ST6GAL1: variants seen among roughly 807,000 people sequenced by gnomAD.
The protein encoded by ST6GAL1 is beta-galactoside alpha-2,6-sialyltransferase 1.
A neutral mutation model predicts 38.0 loss-of-function variants in ST6GAL1; 20 were observed. The observed-to-expected ratio is 0.53, with a 90% CI of 0.37 to 0.77. The LOEUF is 0.77. ST6GAL1 is among the 30% of genes least tolerant of loss of function. ST6GAL1 has a pLI of 0.00. For missense variants in ST6GAL1, 432 were observed against 496.4 expected (o/e 0.87, Z 1.23); for synonymous variants, 196 against 188.2 (o/e 1.04, Z -0.34).
chr3:186,935,906 A>T (rs966224378), intron 1 of ST6GAL1, among the ~76,000 whole-genome samples: 4 of 152,176 alleles, frequency 2.6e-5, no homozygotes, highest in African/African-American at 9.7e-5. Flanking sequence ...AAAAGAAAAA[A>T]ACCCAGAACC....
At chr3:187,067,982 T>C (rs1719226685) in intron 5 of ST6GAL1, among the ~76,000 whole-genome samples, 1 of 152,198 alleles carries the variant, frequency 6.6e-6, no homozygotes, top group Admixed American at 6.5e-5. Context: ...TCTGACGTCC[T>C]TCCCCAAGAG....
At chr3:186,951,787 G>A (rs150619057) in intron 1 of ST6GAL1, among the ~76,000 whole-genome samples, 5 of 152,224 alleles carry the variant, frequency 3.3e-5, no homozygotes, top group East Asian at 1.9e-4. Context: ...ACAAAATACC[G>A]TAAACAGGGT....
At chr3:186,969,413 G>A (rs996368856) in intron 2 of ST6GAL1, among the ~76,000 whole-genome samples, 1 of 152,084 alleles carries the variant, frequency 6.6e-6, no homozygotes, top group African/African-American at 2.4e-5. Context: ...GTGCATTCCC[G>A]TAAACACTAA....
chr3:187,051,292 C>T lies in ST6GAL1; in HGVS notation c.651C>T (p.Ala217=), dbSNP rs1449245952. 6.2e-7 allele frequency: 1 copy of T among 1,614,182 alleles called. No homozygotes were observed. The highest frequency in any genetic ancestry group is 1.1e-5 in the South Asian group (1 of 91,082). Residue 217 remains alanine (A), a synonymous_variant, in exon 5 of 8, where the codon GCC becomes GCT. Coordinates refer to ENST00000169298, the MANE Select transcript of ST6GAL1 (RefSeq NM_173216.2). ...TGAGGTTTAATGGGGCACCCACAGC[C>T]AACTTCCAACAAGATGTGGGCACAA... ...AVLRFNGAPT[A]NFQQDVGTKT...
At chr3:186,955,509 T>TC (rs1238904126) in intron 1 of ST6GAL1, among the ~76,000 whole-genome samples, 1 of 152,026 alleles carries the variant, frequency 6.6e-6, no homozygotes, top group African/African-American at 2.4e-5. Flanking sequence ...CTTTTTTTTT[T>TC]CTTTTCTTTT....
chr3:187,003,243 C>T (rs1716680111), intron 2 of ST6GAL1, among the ~76,000 whole-genome samples: 1 of 152,220 alleles, frequency 6.6e-6, no homozygotes, highest in Admixed American at 6.5e-5. Context: ...GAGGAGCTCC[C>T]TCTTACCTGT....
At chr3:187,000,580 G>A (rs965380286) in intron 2 of ST6GAL1, among the ~76,000 whole-genome samples, 1 of 147,070 alleles carries the variant, frequency 6.8e-6, no homozygotes, top group Non-Finnish European at 1.5e-5. Context: ...AGTTTATTTT[G>A]TTTCTATAAA....
chr3:187,037,529 C>T (rs986779860), intron 2 of ST6GAL1, among the ~76,000 whole-genome samples: 3 of 152,082 alleles, frequency 2.0e-5, no homozygotes, highest in Non-Finnish European at 4.4e-5. Flanking sequence ...TATTTTCCTA[C>T]ATCGCATCAA....
intron 1 of ST6GAL1, among the ~76,000 whole-genome samples, chr3:186,932,301 C>T (rs757630848): frequency 3.1e-4 from 47 of 152,162 alleles, no homozygotes; most frequent in Non-Finnish European, 3.8e-4. Context: ...ACAGAGAGAA[C>T]ACTTGAGTGT....
chr3:187,047,746 A>AG (rs1308020355), intron 4 of ST6GAL1, among the ~76,000 whole-genome samples: 5 of 140,938 alleles, frequency 3.5e-5, no homozygotes, highest in African/African-American at 1.5e-4. Flanking sequence ...TTTGACAAAC[A>AG]GGATTTTTTT....
rs765387130 is a variant in ST6GAL1 at position 187,042,776 on chromosome 3, G to C, written c.73G>C (p.Val25Leu). The C allele has an allele frequency of 4.3e-6, 7 of 1,614,206 alleles. No homozygotes were observed. The Admixed American group carries it at 1.2e-4, about 27-fold the overall frequency. The stretch of plus-strand genomic sequence containing the variant: ...CTTTCTTCTGTTTGCAGTCATCTGT[G>C]TGTGGAAGGAAAAGAAGAAAGGGAG... ...LVFLLFAVICVWKEKKKGSYY... is the reference protein window; with the variant it reads ...LVFLLFAVICLWKEKKKGSYY... The change falls in exon 4 of 8, where the codon GTG becomes CTG. Residue 25 changes from valine (V) to leucine (L), a missense_variant. Physicochemically the swap from Val to Leu is conservative, Grantham distance 32 (BLOSUM62 1). Coordinates refer to ENST00000169298, the MANE Select transcript of ST6GAL1 (RefSeq NM_173216.2).
chr3:187,001,097 C>T lies in ST6GAL1; in HGVS notation c.-183+37171C>T, dbSNP rs147265400. On this transcript the variant is annotated intron_variant, in intron 2 of 7. Coordinates refer to ENST00000169298, the MANE Select transcript of ST6GAL1 (RefSeq NM_173216.2). Reference sequence around the variant, plus strand: ...ATGGTGAGAGCCAAACCCGAAGACCCACAGGTTTCAAGCTGGCCATGTGGC... The same window carrying T: ...ATGGTGAGAGCCAAACCCGAAGACCTACAGGTTTCAAGCTGGCCATGTGGC... Among the ~76,000 whole-genome samples, 765 of 152,250 alleles carry T rather than the reference C, an allele frequency of 5.0e-3. 9 individuals carry two copies. Among genetic ancestry groups the T allele is most frequent in the African/African-American group, 0.017 (722 of 41,524 alleles).
chr3:186,979,913 G>A (rs1715638442), intron 2 of ST6GAL1, among the ~76,000 whole-genome samples: 1 of 152,180 alleles, frequency 6.6e-6, no homozygotes, highest in South Asian at 2.1e-4. Flanking sequence ...AGTGATGTTG[G>A]TGATACTGTT....
At chr3:187,034,619 T>TGATTC (rs1479100283) in intron 2 of ST6GAL1, among the ~76,000 whole-genome samples, 1 of 152,174 alleles carries the variant, frequency 6.6e-6, no homozygotes, top group Non-Finnish European at 1.5e-5. Flanking sequence ...TTAATAAATG[T>TGATTC]GATTCACCTC....
At chr3:186,942,686 C>T (rs1194320412) in intron 1 of ST6GAL1, among the ~76,000 whole-genome samples, 7 of 152,180 alleles carry the variant, frequency 4.6e-5, no homozygotes, top group Non-Finnish European at 1.0e-4. Flanking sequence ...AATTTACCAT[C>T]TTCTGGGCTT....
At chr3:187,026,918 G>C (rs551648950) in intron 2 of ST6GAL1, among the ~76,000 whole-genome samples, 1 of 151,978 alleles carries the variant, frequency 6.6e-6, no homozygotes, top group South Asian at 2.1e-4. Context: ...GCATGGTGGC[G>C]GGCACCTGTA....
intron 2 of ST6GAL1, among the ~76,000 whole-genome samples, chr3:187,032,391 C>T (rs1176756620): frequency 6.6e-6 from 1 of 152,110 alleles, no homozygotes; most frequent in Admixed American, 6.5e-5. Flanking sequence ...CTGGTGACTG[C>T]CCACAGTGTT....
intron 2 of ST6GAL1, chr3:186,964,232 G>A (rs760196784): frequency 6.6e-6 from 1 of 152,176 alleles, no homozygotes; most frequent in Non-Finnish European, 1.5e-5. Flanking sequence ...TCAGGTGAAT[G>A]CTTAAGTATA....
chr3:186,966,238 A>G (rs1474297739), intron 2 of ST6GAL1, among the ~76,000 whole-genome samples: 2 of 152,152 alleles, frequency 1.3e-5, no homozygotes, highest in Non-Finnish European at 2.9e-5. Context: ...AGATCTATTT[A>G]TGACAAAGGG....
Sources: gnomAD v4.1 joint callset for allele counts (sites outside exome capture counted in the v4.1 genomes callset) on GRCh38, gnomAD v4.1.1 for gene constraint, MANE v1.5 for transcripts, NCBI Gene and HGNC (gene_info 2026-07-23, HGNC 2026-07-21) for gene names.